Variants in MIER2 observed in about 807,000 individuals in gnomAD.
MIER2 encodes MIER family member 2, also known as mesoderm induction early response protein 2.
MIER2 carries 30 observed loss-of-function variants against 67.6 expected under a neutral mutation model. The observed-to-expected ratio is 0.44, with a 90% CI of 0.33 to 0.60. The LOEUF is 0.60. MIER2 is among the 20% of genes least tolerant of loss of function. The probability of loss-of-function intolerance (pLI) is 0.02; values close to 1 mark genes in which losing one functional copy is unlikely to be tolerated. For missense variants in MIER2, 702 were observed against 745.1 expected (o/e 0.94, Z 0.67); for synonymous variants, 372 against 312.6 (o/e 1.19, Z -2.00).
chr19:344,153 T>G, intron 1 of MIER2: 5 of 985,422 alleles, frequency 5.1e-6, no homozygotes, highest in Non-Finnish European at 6.0e-6. Flanking sequence ...CCAACTCTTC[T>G]GAGATCAGCC....
Position 328,255 on chromosome 19 carries a change from A to G in MIER2, c.244-266T>C, listed in dbSNP as rs111555243. ...CCCTGCCCACAATGCCTCCTTGCAC[A>G]GGGTGAATTACAGGAATACAAGGAT... On this transcript the variant is annotated intron_variant, in intron 3 of 13. Transcript: ENST00000264819. Among the ~76,000 whole-genome samples the G allele has an allele frequency of 2.4e-3, 358 of 152,302 alleles. 2 individuals carry two copies. The highest frequency in any genetic ancestry group is 8.1e-3 in the African/African-American group (338 of 41,562).
chr19:326,955 A>T, intron 5 of MIER2, 178 bp downstream of exon 5: 1 of 818,932 alleles, frequency 1.2e-6, no homozygotes, highest in Non-Finnish European at 1.8e-6. Flanking sequence ...GTCCAGGCTC[A>T]CTGGCCAGCG....
chr19:338,593 G>GA (rs1404472758), intron 1 of MIER2, among the ~76,000 whole-genome samples: 2 of 152,134 alleles, frequency 1.3e-5, no homozygotes, highest in Non-Finnish European at 2.9e-5. Flanking sequence ...AAAGCATATG[G>GA]AAGCTCAAGG....
At position 306,454 on chromosome 19, in the gene MIER2, G is replaced by T. The variant is rs937621327; in HGVS notation, c.*236C>A. On this transcript the variant is annotated 3_prime_UTR_variant, in exon 14 of 14. Coordinates refer to ENST00000264819, the MANE Select transcript of MIER2 (RefSeq NM_017550.3). ...CACGTGCAGGCAGCGGCCCGGACCC[G>T]GGTGGCAGTGCCGGGCGCTGACGGC... 8 of 615,622 alleles carry T rather than the reference G, an allele frequency of 1.3e-5. No individual in the cohort carries two copies. The highest frequency in any genetic ancestry group is 1.2e-4 in the South Asian group (6 of 50,200). 38.1% of individuals were successfully genotyped at this position (615,622 alleles called of 1,614,324 possible).
intron 10 of MIER2, among the ~76,000 whole-genome samples, chr19:310,685 A>G (rs62103697): frequency 0.046 from 2,400 of 51,814 alleles, no homozygotes; most frequent in African/African-American, 0.13. Context: ...AACACAGCCC[A>G]GAGCTATAGA....
intron 1 of MIER2, chr19:344,446 C>G: frequency 1.1e-6 from 1 of 929,208 alleles, no homozygotes; most frequent in South Asian, 5.0e-5. Context: ...GGAACGGAGC[C>G]GCGCGCCCAC....
chr19:316,535 C>T (rs1365613716), intron 7 of MIER2, among the ~76,000 whole-genome samples: 2 of 152,212 alleles, frequency 1.3e-5, no homozygotes, highest in Non-Finnish European at 2.9e-5. Context: ...GGCAATCTGC[C>T]TGCCTCGGCC....
At position 326,545 on chromosome 19, in the gene MIER2, T is replaced by G. The variant is rs752096896; in HGVS notation, c.547A>C (p.Thr183Pro). The stretch of plus-strand genomic sequence containing the variant: ...TTGGCAGGAAGAGAGTCCTCCTCGG[T>G]GTCGGAGGAGGCAGAAGAGCCAGGC... ...REPGSSASSD[T>P]EEDSLPANKC... The change falls in exon 6 of 14, where the codon ACC (threonine) becomes CCC (proline). Residue 183 changes from threonine (T) to proline (P), a missense_variant. This residue lies in a region of MIER2 where 320 missense variants were observed against 292.6 expected (regional missense o/e 1.09). Transcript: ENST00000264819. 1.7e-5 allele frequency: 28 copies of G among 1,613,936 alleles called. No homozygotes were observed. In the East Asian group the frequency reaches 6.0e-4, roughly 35 times the overall value.
At position 317,303 on chromosome 19, in the gene MIER2, G is replaced by A. The variant is rs570632407; in HGVS notation, c.656-3660C>T. Among the ~76,000 whole-genome samples the A allele has an allele frequency of 1.9e-3, 285 of 152,026 alleles. 1 individual carries two copies. Among genetic ancestry groups the A allele is most frequent in the Admixed American group, 3.1e-3 (47 of 15,278 alleles). The stretch of plus-strand genomic sequence containing the variant: ...AGCACTTTGGGAGGCTGAGGCGGGC[G>A]GATCACGAGGTCAGGAGATCGAGAC... On this transcript the variant is annotated intron_variant, in intron 7 of 13. Coordinates refer to ENST00000264819, the MANE Select transcript of MIER2 (RefSeq NM_017550.3).
intron 10 of MIER2, among the ~76,000 whole-genome samples, chr19:311,359 G>A (rs1269604218): frequency 6.6e-6 from 1 of 152,256 alleles, no homozygotes; most frequent in East Asian, 1.9e-4. Flanking sequence ...ACGTGGGGAA[G>A]GTCTAAGGAA....
chr19:306,153 C>A lies in MIER2; in HGVS notation c.*537G>T. On this transcript the variant is annotated 3_prime_UTR_variant, in exon 14 of 14. Coordinates refer to ENST00000264819, the MANE Select transcript of MIER2 (RefSeq NM_017550.3). ...GGGCCGGACAGCGAGGTATATGGCT[C>A]TGTGCCCCACGGGGTTGGCACTGAG... is the stretch of plus-strand genomic sequence containing the variant. The A allele has an allele frequency of 6.3e-6, 1 of 158,044 alleles. No individual in the cohort carries two copies. Among genetic ancestry groups the A allele is most frequent in the Non-Finnish European group, 1.4e-5 (1 of 72,044 alleles). The allele number at this position is 158,044 out of a possible 1,614,324, so 9.8% of individuals were successfully genotyped here. A position where few individuals can be genotyped will look rare whatever the true frequency, so the allele number is the denominator to read the frequency against.
rs1972245080 is a variant in MIER2, at chr19:336,120, G to T, written c.63C>A (p.Ser21Arg). ...SPRVVSCLEHSLCPGEPGLQT... is the reference protein window; with the variant it reads ...SPRVVSCLEHRLCPGEPGLQT... ...GCAAGCCCGGCTCCCCTGGGCACAG[G>T]CTGTGCTCGAGGCAGGAGACCACGC... The change falls in exon 2 of 14, where the codon AGC becomes AGA. Residue 21 changes from serine to arginine, a missense_variant. Physicochemically the swap from Ser to Arg is moderately radical, Grantham distance 110. Transcript: ENST00000264819. 3.1e-6 allele frequency: 5 copies of T among 1,613,942 alleles called. No homozygotes were observed. In the East Asian group the frequency reaches 1.1e-4, roughly 36 times the overall value.
chr19:334,674 G>A (rs1972162800), intron 2 of MIER2, 132 bp from the exon 3 acceptor site: 1 of 1,224,048 alleles, frequency 8.2e-7, no homozygotes, highest in Non-Finnish European at 1.1e-6. Flanking sequence ...CCTCATGAGG[G>A]AACCCAACAG....
In MIER2 at chr19:326,995, C is replaced by A. The variant is rs1971783212; in HGVS notation, c.493+138G>T. The A allele has an allele frequency of 9.6e-6, 12 of 1,256,448 alleles. No homozygotes were observed. In the Middle Eastern group the frequency reaches 7.6e-4, roughly 80 times the overall value. 77.8% of individuals were successfully genotyped at this position (1,256,448 alleles called of 1,614,324 possible). A position where few individuals can be genotyped will look rare whatever the true frequency, so the allele number is the denominator to read the frequency against. On this transcript the variant is annotated intron_variant, in intron 5 of 13. Coordinates refer to ENST00000264819, the MANE Select transcript of MIER2 (RefSeq NM_017550.3). Reference sequence around the variant, plus strand: ...GGAGAACAAAGCACCCCCAGGGCTACTGACGCTTCCCGCCAGGCAGACGCC... The same window carrying A: ...GGAGAACAAAGCACCCCCAGGGCTAATGACGCTTCCCGCCAGGCAGACGCC...
chr19:335,954 G>T, intron 2 of MIER2, 129 bp downstream of exon 2: 1 of 848,248 alleles, frequency 1.2e-6, no homozygotes, highest in Non-Finnish European at 1.9e-6. Context: ...ACGGGTGGGA[G>T]CTGGGACACC....
intron 3 of MIER2, among the ~76,000 whole-genome samples, chr19:330,938 AAAG>A (rs540027073): frequency 2.1e-3 from 315 of 152,316 alleles, no homozygotes; most frequent in African/African-American, 7.1e-3. Context: ...CTGTAGCATC[AAAG>A]AAGAATACCC....
intron 3 of MIER2, among the ~76,000 whole-genome samples, chr19:332,468 AT>A (rs1972073761): frequency 1.3e-5 from 2 of 151,702 alleles, no homozygotes; most frequent in African/African-American, 4.8e-5. Context: ...CGCCCGGCTA[AT>A]TTTTGTATTT....
chr19:340,807 T>G (rs1005361007), intron 1 of MIER2, among the ~76,000 whole-genome samples: 1 of 152,098 alleles, frequency 6.6e-6, no homozygotes, highest in Non-Finnish European at 1.5e-5. Flanking sequence ...AAGTGGAGAC[T>G]GACAGGACCC....
At chr19:319,949 A>G (rs1971429574) in intron 7 of MIER2, among the ~76,000 whole-genome samples, 1 of 152,230 alleles carries the variant, frequency 6.6e-6, no homozygotes, top group Non-Finnish European at 1.5e-5. Context: ...GAGGGAAGGG[A>G]TTAAATACGT....
Sources: allele counts gnomAD v4.1 joint callset (sites outside exome capture counted in the v4.1 genomes callset), GRCh38; gene constraint gnomAD v4.1.1; regional missense constraint gnomAD v4.1.1; transcripts MANE v1.5; gene names NCBI Gene and HGNC (gene_info 2026-07-23, HGNC 2026-07-21).